Variants in EPHA6 observed in about 807,000 individuals in gnomAD.
EPHA6 encodes the protein ephrin type-A receptor 6.
In EPHA6, 50 loss-of-function variants were observed where a neutral mutation model predicts 112.0. The ratio of observed to expected loss-of-function variants is 0.45; its 90% CI spans 0.36 to 0.56. The LOEUF (loss-of-function observed/expected upper bound fraction) is 0.56. Ranked by LOEUF, EPHA6 falls within the 20% of genes least tolerant of loss-of-function variation. The pLI, the probability that EPHA6 is intolerant of heterozygous loss-of-function variation, is 0.00. For synonymous variants in EPHA6, 529 were observed against 490.7 expected (o/e 1.08, Z -1.03); for missense variants, 1,280 against 1,417.4 (o/e 0.90, Z 1.56).
chr3:96,985,791 C>T (rs1186654298), intron 2 of EPHA6, among the ~76,000 whole-genome samples: 1 of 152,006 alleles, frequency 6.6e-6, no homozygotes, highest in Non-Finnish European at 1.5e-5. Flanking sequence ...ATTAAAAGTA[C>T]TTTGTGTCAT....
rs1457882472 is a variant in EPHA6, at chr3:97,551,618, C to CTGTTG, written c.2386+19080_2386+19084dup. 2.0e-5 allele frequency among the ~76,000 whole-genome samples: 3 copies of CTGTTG among 152,252 alleles called. No individual in the cohort carries two copies. In the East Asian group the frequency reaches 5.8e-4, roughly 29 times the overall value. On this transcript the variant is annotated intron_variant, in intron 11 of 17. Coordinates refer to ENST00000389672, the MANE Select transcript of EPHA6 (RefSeq NM_001080448.3). ...ATAGCCATATATTATATATAACATG[C>CTGTTG]TGTTGTGTTTAGTATGGCTCTCCAT...
chr3:97,191,390 G>A (rs1279293329), intron 3 of EPHA6, among the ~76,000 whole-genome samples: 1 of 151,170 alleles, frequency 6.6e-6, no homozygotes, highest in Non-Finnish European at 1.5e-5. Context: ...TGACCCTGTT[G>A]TGCTATCAAA....
intron 5 of EPHA6, among the ~76,000 whole-genome samples, chr3:97,262,003 A>G (rs1372138184): frequency 6.6e-6 from 1 of 152,190 alleles, no homozygotes; most frequent in Non-Finnish European, 1.5e-5. Flanking sequence ...TCTTAGTTAT[A>G]AAACCCTAGT....
chr3:97,003,293 A>T (rs2107911776), intron 3 of EPHA6, among the ~76,000 whole-genome samples: 1 of 152,186 alleles, frequency 6.6e-6, no homozygotes, highest in South Asian at 2.1e-4. Context: ...TTTTTAGTAG[A>T]GATGGGGTTT....
At chr3:97,197,112 G>T (rs753551910) in intron 3 of EPHA6, among the ~76,000 whole-genome samples, 6 of 152,014 alleles carry the variant, frequency 3.9e-5, no homozygotes, top group Non-Finnish European at 8.8e-5. Flanking sequence ...TTCTGCCCAG[G>T]AGGCAACATT....
chr3:97,020,575 T>A (rs549405001), intron 3 of EPHA6, among the ~76,000 whole-genome samples: 1 of 152,226 alleles, frequency 6.6e-6, no homozygotes, highest in South Asian at 2.1e-4. Context: ...TGTAGTTTTG[T>A]GGTCAGCAAT....
intron 5 of EPHA6, among the ~76,000 whole-genome samples, chr3:97,399,959 T>A (rs956890119): frequency 1.8e-4 from 28 of 151,660 alleles, no homozygotes; most frequent in Non-Finnish European, 4.4e-5. Context: ...GTTTGTCTAT[T>A]TTTGCTTTTG....
intron 4 of EPHA6, among the ~76,000 whole-genome samples, chr3:97,235,119 C>T (rs888705242): frequency 6.6e-5 from 10 of 152,012 alleles, no homozygotes; most frequent in Non-Finnish European, 1.0e-4. Context: ...TAAAATTATT[C>T]GCAGTTACTC....
chr3:97,695,092 A>G (rs2032944872), intron 14 of EPHA6, among the ~76,000 whole-genome samples: 1 of 152,232 alleles, frequency 6.6e-6, no homozygotes, highest in Non-Finnish European at 1.5e-5. Context: ...GTGATGATGA[A>G]TTATGATAAT....
intron 6 of EPHA6, among the ~76,000 whole-genome samples, chr3:97,442,229 C>T (rs951813808): frequency 1.3e-5 from 2 of 152,110 alleles, no homozygotes; most frequent in Admixed American, 6.5e-5. Flanking sequence ...ACATCTTGAA[C>T]TGGAGTGCAC....
intron 5 of EPHA6, among the ~76,000 whole-genome samples, chr3:97,303,876 A>G (rs1375647582): frequency 1.3e-5 from 2 of 152,040 alleles, no homozygotes; most frequent in Admixed American, 1.3e-4. Flanking sequence ...ATCCATGAGC[A>G]TGGAATGTTT....
At chr3:97,178,571 A>G (rs749247014) in intron 3 of EPHA6, among the ~76,000 whole-genome samples, 1 of 151,982 alleles carries the variant, frequency 6.6e-6, no homozygotes, top group Admixed American at 6.6e-5. Context: ...TTGTTTGTCA[A>G]GGTCTTTATT....
At chr3:97,318,290 G>T (rs1184399678) in intron 5 of EPHA6, among the ~76,000 whole-genome samples, 1 of 152,052 alleles carries the variant, frequency 6.6e-6, no homozygotes, top group Admixed American at 6.6e-5. Flanking sequence ...TGAAGAATTT[G>T]AAGTTTAGAT....
intron 13 of EPHA6, among the ~76,000 whole-genome samples, chr3:97,615,159 G>A (rs1272059007): frequency 6.6e-6 from 1 of 152,108 alleles, no homozygotes; most frequent in Admixed American, 6.5e-5. Flanking sequence ...AGAGCAACGG[G>A]AACCTCCCCT....
intron 3 of EPHA6, among the ~76,000 whole-genome samples, chr3:97,058,660 A>G (rs2045927198): frequency 1.3e-5 from 2 of 152,154 alleles, no homozygotes; most frequent in Non-Finnish European, 1.5e-5. Context: ...AGGTATTCAA[A>G]TGATTTTAAT....
chr3:97,489,685 TAAA>T (rs60356185), intron 10 of EPHA6, among the ~76,000 whole-genome samples: 9,991 of 133,396 alleles, frequency 0.075, 1,039 homozygotes, highest in African/African-American at 0.24. Context: ...GACTCCGTCT[TAAA>T]AAAAAAAAAA....
intron 14 of EPHA6, among the ~76,000 whole-genome samples, chr3:97,691,650 T>G (rs1395633536): frequency 6.6e-6 from 1 of 152,214 alleles, no homozygotes; most frequent in Non-Finnish European, 1.5e-5. Flanking sequence ...AAATTCTTGC[T>G]TAAGGAAAAG....
intron 3 of EPHA6, among the ~76,000 whole-genome samples, chr3:97,130,974 TG>T (rs2048321615): frequency 6.6e-6 from 1 of 152,142 alleles, no homozygotes; most frequent in African/African-American, 2.4e-5. Context: ...TGACACAAAG[TG>T]ATCTTTAATC....
intron 6 of EPHA6, among the ~76,000 whole-genome samples, chr3:97,422,338 A>G (rs1225952392): frequency 1.3e-5 from 2 of 152,124 alleles, no homozygotes; most frequent in African/African-American, 4.8e-5. Flanking sequence ...CTGTATGTCA[A>G]CCTAGGTAAG....
Sources: allele counts gnomAD v4.1 joint callset (sites outside exome capture counted in the v4.1 genomes callset), GRCh38; gene constraint gnomAD v4.1.1; transcripts MANE v1.5; gene names NCBI Gene and HGNC (gene_info 2026-07-23, HGNC 2026-07-21).